Variants in FOXN3 observed in about 807,000 individuals in gnomAD.
FOXN3 encodes forkhead box N3, also known as forkhead box protein N3.
Under a neutral mutation model 38.4 loss-of-function variants are expected in FOXN3, and 7 were observed. That is an observed-to-expected ratio of 0.18 (90% CI 0.10 to 0.34). The LOEUF is 0.34. Ranked by LOEUF, FOXN3 falls within the 10% of genes least tolerant of loss-of-function variation. The probability of loss-of-function intolerance (pLI) is 1.00; values close to 1 mark genes in which losing one functional copy is unlikely to be tolerated. For synonymous variants in FOXN3, 230 were observed against 242.2 expected (o/e 0.95, Z 0.47); for missense variants, 456 against 613.4 (o/e 0.74, Z 2.71).
At chr14:89,401,006 A>G (rs1054011283) in intron 2 of FOXN3, among the ~76,000 whole-genome samples, 2 of 152,196 alleles carry the variant, frequency 1.3e-5, no homozygotes, top group African/African-American at 4.8e-5. Flanking sequence ...GGGACCCGCC[A>G]GAGGTCACCA....
intron 1 of FOXN3, among the ~76,000 whole-genome samples, chr14:89,426,454 T>C (rs1892030764): frequency 6.6e-6 from 1 of 151,902 alleles, no homozygotes. Flanking sequence ...CTAGAACTCC[T>C]GACCTCAGGT....
At chr14:89,505,643 T>C (rs879559811) in intron 1 of FOXN3, among the ~76,000 whole-genome samples, 477 of 152,082 alleles carry the variant, frequency 3.1e-3, no homozygotes, top group Non-Finnish European at 5.3e-3. Flanking sequence ...ACCTCCCAGC[T>C]GCCTGCCTTG....
chr14:89,398,429 T>A (rs922704796), intron 2 of FOXN3, among the ~76,000 whole-genome samples: 2 of 152,136 alleles, frequency 1.3e-5, no homozygotes, highest in African/African-American at 2.4e-5. Flanking sequence ...ACCCTGTGAT[T>A]ACGGGCACTT....
intron 3 of FOXN3, among the ~76,000 whole-genome samples, chr14:89,340,305 A>G (rs1566960971): frequency 6.6e-6 from 1 of 152,178 alleles, no homozygotes; most frequent in Non-Finnish European, 1.5e-5. Context: ...AAAACTTTCC[A>G]TTTAAAAGTA....
Position 89,394,212 on chromosome 14 carries a change from CTTTTTTTTT to C in FOXN3, c.543+17713_543+17721del, listed in dbSNP as rs35674375. On this transcript the variant is annotated intron_variant, in intron 2 of 5. Coordinates refer to ENST00000557258, the MANE Select transcript of FOXN3 (RefSeq NM_005197.4). The stretch of plus-strand genomic sequence containing the variant: ...CACCACCACAATGGGGATCGACGTT[CTTTTTTTTT>C]TTTTTTTTTTTTTGAGATGGAGTTT... 1.6e-4 allele frequency among the ~76,000 whole-genome samples: 17 copies of C among 109,614 alleles called. No homozygotes were observed. The East Asian group carries it at 3.7e-3, about 24-fold the overall frequency. 71.9% of individuals were successfully genotyped at this position (109,614 alleles called of 152,430 possible). A position where few individuals can be genotyped will look rare whatever the true frequency, so the allele number is the denominator to read the frequency against.
intron 1 of FOXN3, among the ~76,000 whole-genome samples, chr14:89,436,895 C>T (rs923883370): frequency 6.6e-6 from 1 of 152,104 alleles, no homozygotes; most frequent in Admixed American, 6.5e-5. Context: ...ACCTGTAATC[C>T]CAGCATTTTG....
intron 3 of FOXN3, among the ~76,000 whole-genome samples, chr14:89,347,772 TA>T (rs1888807266): frequency 6.6e-6 from 1 of 151,894 alleles, no homozygotes; most frequent in African/African-American, 2.4e-5. Context: ...GCCAACAAGG[TA>T]AAACCCCATC....
chr14:89,600,662 C>T (rs745632207), intron 1 of FOXN3, among the ~76,000 whole-genome samples: 1 of 152,152 alleles, frequency 6.6e-6, no homozygotes. Flanking sequence ...TAAACCCTTA[C>T]TCATTGTGGG....
intron 1 of FOXN3, among the ~76,000 whole-genome samples, chr14:89,422,434 C>T (rs751633819): frequency 2.6e-5 from 4 of 152,082 alleles, no homozygotes; most frequent in South Asian, 4.1e-4. Context: ...AACAAATGAA[C>T]GCAAGACAGT....
At chr14:89,367,521 T>C (rs1596231777) in intron 2 of FOXN3, among the ~76,000 whole-genome samples, 1 of 152,062 alleles carries the variant, frequency 6.6e-6, no homozygotes, top group African/African-American at 2.4e-5. Flanking sequence ...AACCAGAGGA[T>C]ATGCCCGAGG....
intron 1 of FOXN3, among the ~76,000 whole-genome samples, chr14:89,461,042 G>A (rs571470280): frequency 1.5e-5 from 2 of 136,288 alleles, no homozygotes; most frequent in African/African-American, 5.6e-5. Context: ...AAAAAAAGGG[G>A]GGGGGAGGGG....
chr14:89,204,565 C>A (rs113658397), intron 4 of FOXN3, among the ~76,000 whole-genome samples: 5 of 152,038 alleles, frequency 3.3e-5, no homozygotes, highest in Admixed American at 2.6e-4. Flanking sequence ...TCAGAAATAA[C>A]CCTCACATAT....
intron 2 of FOXN3, among the ~76,000 whole-genome samples, chr14:89,411,195 A>C (rs577556811): frequency 4.6e-5 from 7 of 152,346 alleles, no homozygotes; most frequent in African/African-American, 1.7e-4. Flanking sequence ...TGATGATCTG[A>C]AGTAGAACAG....
chr14:89,596,338 T>C (rs958844341), intron 1 of FOXN3, among the ~76,000 whole-genome samples: 6 of 152,108 alleles, frequency 3.9e-5, no homozygotes, highest in South Asian at 2.1e-4. Flanking sequence ...CATTTCACCA[T>C]ATTGGCCAGG....
intron 4 of FOXN3, among the ~76,000 whole-genome samples, chr14:89,198,092 C>T (rs950519317): frequency 2.0e-5 from 3 of 152,068 alleles, no homozygotes; most frequent in Non-Finnish European, 4.4e-5. Context: ...AGCAAAGGAT[C>T]AAAAATATTA....
At position 89,548,191 on chromosome 14, in the gene FOXN3, C is replaced by A. The variant is rs1156303306; in HGVS notation, c.-15+70837G>T. ...TTCACTTAGAGTAAAAATTACCTTT[C>A]ACTTGCTTACTCCTGCCTGCGCTTT... is the stretch of plus-strand genomic sequence containing the variant. On this transcript the variant is annotated intron_variant, in intron 1 of 6. Coordinates refer to the FOXN3 transcript ENST00000345097. The surrounding 1 kb of genome is among the most constrained non-coding windows in gnomAD (Gnocchi z 4.8). Among the ~76,000 whole-genome samples, 1 of 152,216 alleles carries A rather than the reference C, an allele frequency of 6.6e-6. No individual in the cohort carries two copies. Among genetic ancestry groups the A allele is most frequent in the East Asian group, 1.9e-4 (1 of 5,202 alleles).
Position 89,205,007 on chromosome 14 carries a change from G to A in FOXN3, c.746-24201C>T, listed in dbSNP as rs1004409208. Among the ~76,000 whole-genome samples the A allele has an allele frequency of 2.1e-5, 3 of 142,436 alleles. No individual in the cohort carries two copies. The South Asian group carries it at 6.2e-4, about 30-fold the overall frequency. 93.4% of individuals were successfully genotyped at this position (142,436 alleles called of 152,430 possible). On this transcript the variant is annotated intron_variant, in intron 4 of 5. Transcript: ENST00000557258. ...TTATAGTGCAAGAGCTGATTTTCTG[G>A]TGAGCGAATGGGAAATGGGTTCTAA...
At chr14:89,298,118 G>A (rs1887101404) in intron 3 of FOXN3, among the ~76,000 whole-genome samples, 2 of 152,184 alleles carry the variant, frequency 1.3e-5, no homozygotes, top group Admixed American at 6.5e-5. Flanking sequence ...TTAAAAGGAA[G>A]GAAACCCTCA....
chr14:89,288,106 G>C (rs1379054335), intron 3 of FOXN3, among the ~76,000 whole-genome samples: 1 of 151,976 alleles, frequency 6.6e-6, no homozygotes, highest in Admixed American at 6.6e-5. Context: ...ATCCTGCAAA[G>C]ATCCAAAATG....
Sources: gnomAD v4.1 joint callset for allele counts (sites outside exome capture counted in the v4.1 genomes callset) on GRCh38, gnomAD v4.1.1 for gene constraint, Gnocchi (gnomAD v3.1) non-coding constraint, MANE v1.5 for transcripts, NCBI Gene and HGNC (gene_info 2026-07-23, HGNC 2026-07-21) for gene names.